COG6: variants seen among roughly 807,000 people sequenced by gnomAD.
The protein encoded by COG6 is component of oligomeric golgi complex 6.
Under a neutral mutation model 88.8 loss-of-function variants are expected in COG6, and 74 were observed. The observed-to-expected ratio is 0.83, with a 90% CI of 0.69 to 1.01. COG6 has a LOEUF of 1.01. COG6 is among the 50% of genes least tolerant of loss of function. The probability of loss-of-function intolerance (pLI) is 0.00; values close to 1 mark genes in which losing one functional copy is unlikely to be tolerated. For synonymous variants in COG6, 286 were observed against 278.7 expected (o/e 1.03, Z -0.26); for missense variants, 800 against 797.9 (o/e 1.00, Z -0.03).
intron 18 of COG6, among the ~76,000 whole-genome samples, chr13:39,759,276 C>T (rs1164261586): frequency 6.6e-6 from 1 of 152,096 alleles, no homozygotes; most frequent in African/African-American, 2.4e-5. Flanking sequence ...GGCCTGTTCT[C>T]ATGTCTTAAT....
At chr13:39,678,329 C>T (rs77596848) in intron 5 of COG6, among the ~76,000 whole-genome samples, 1 of 152,276 alleles carries the variant, frequency 6.6e-6, no homozygotes, top group East Asian at 1.9e-4. Flanking sequence ...CTACCTCGGC[C>T]TCCCAAAGTG....
At chr13:39,754,314 G>C (rs1880762466), downstream of COG6, among the ~76,000 whole-genome samples, 1 of 152,142 alleles carries the variant, frequency 6.6e-6, no homozygotes, top group Non-Finnish European at 1.5e-5. Context: ...ATATGATGGA[G>C]TACAGCAGTG....
chr13:39,671,964 T>C (rs1375194368), intron 4 of COG6, among the ~76,000 whole-genome samples: 1 of 152,016 alleles, frequency 6.6e-6, no homozygotes, highest in Non-Finnish European at 1.5e-5. Context: ...TTTAACTGGA[T>C]AGCAAAGGCA....
intron 13 of COG6, among the ~76,000 whole-genome samples, chr13:39,717,084 GT>G (rs2138070462): frequency 6.6e-6 from 1 of 152,188 alleles, no homozygotes; most frequent in South Asian, 2.1e-4. Context: ...TTGAAGAATA[GT>G]TTTGCTGAAT....
intron 2 of COG6, among the ~76,000 whole-genome samples, chr13:39,660,433 A>G (rs1874823843): frequency 6.6e-6 from 1 of 152,224 alleles, no homozygotes; most frequent in South Asian, 2.1e-4. Flanking sequence ...ATCTGAGACT[A>G]TTGGATACAT....
intron 18 of COG6, among the ~76,000 whole-genome samples, chr13:39,737,705 C>G (rs1879836193): frequency 6.6e-6 from 1 of 151,898 alleles, no homozygotes; most frequent in African/African-American, 2.4e-5. Context: ...GGCTCTAAGC[C>G]CAGCACAGCA....
Position 39,719,286 on chromosome 13 carries a change from ACT to A in COG6, c.1337_1338del (p.Leu446HisfsTer5). 6.2e-7 allele frequency: 1 copy of A among 1,612,794 alleles called. No individual in the cohort carries two copies. Among genetic ancestry groups the A allele is most frequent in the Non-Finnish European group, 8.5e-7 (1 of 1,179,142 alleles). On this transcript the variant is annotated frameshift_variant, in exon 14 of 19. Coordinates refer to ENST00000455146, the MANE Select transcript of COG6 (RefSeq NM_020751.3). LOFTEE classifies it high-confidence loss of function. ...GACCAAGTTCTGCACTAAATCAGAC[ACT>A]CATGTTGCTGCGTGAAGTTTTAGCA... ...LGPSSALNQT[L>X]MLLREVLASH...
At position 39,659,334 on chromosome 13, in the gene COG6, A is replaced by G. The variant is rs775183788; in HGVS notation, c.154-30A>G. On this transcript the variant is annotated intron_variant, in intron 1 of 18. Transcript: ENST00000455146. ...TTGAAACCATTTAAAAATTAGTTCC[A>G]GTAACTGTCTTCTGTTACCAATTGT... 3.1e-6 allele frequency: 5 copies of G among 1,603,074 alleles called. No individual in the cohort carries two copies. The East Asian group carries it at 1.1e-4, about 36-fold the overall frequency.
chr13:39,692,872 G>C (rs1272061530), intron 11 of COG6, among the ~76,000 whole-genome samples: 1 of 151,952 alleles, frequency 6.6e-6, no homozygotes, highest in Non-Finnish European at 1.5e-5. Flanking sequence ...CTTTATATCT[G>C]AGCCATTATT....
intron 4 of COG6, among the ~76,000 whole-genome samples, chr13:39,672,926 G>GCTA (rs1487059950): frequency 2.0e-5 from 3 of 151,976 alleles, no homozygotes; most frequent in African/African-American, 7.2e-5. Context: ...TGATAGCCAT[G>GCTA]CTACTGGGTG....
At chr13:39,742,310 A>G (rs1880088027) in intron 18 of COG6, among the ~76,000 whole-genome samples, 1 of 152,240 alleles carries the variant, frequency 6.6e-6, no homozygotes, top group Non-Finnish European at 1.5e-5. Flanking sequence ...CAGACTGGCA[A>G]ATTGGATAAA....
chr13:39,782,532 T>G (rs1165503646), intron 18 of COG6, among the ~76,000 whole-genome samples: 1 of 152,202 alleles, frequency 6.6e-6, no homozygotes, highest in Non-Finnish European at 1.5e-5. Context: ...GTGCCATGGA[T>G]CTTCAAGAAG....
Position 39,752,267 on chromosome 13 carries a change from ATAAAACTAG to A in COG6, c.*1177_*1185del. On this transcript the variant is annotated 3_prime_UTR_variant, in exon 19 of 19. Transcript: ENST00000455146. ...TTGAAATATTTTGAAAAGTAATAAC[ATAAAACTAG>A]TATTTGTAGAAGATTATGTGTTGTA... 1 of 920,556 alleles carries A rather than the reference ATAAAACTAG, an allele frequency of 1.1e-6. No homozygotes were observed. The highest frequency in any genetic ancestry group is 1.7e-5 in the South Asian group (1 of 58,262). The allele number at this position is 920,556 out of a possible 1,614,324, so 57.0% of individuals were successfully genotyped here.
Position 39,722,918 on chromosome 13 carries a change from T to C in COG6, c.1585-415T>C, listed in dbSNP as rs548713262. Among the ~76,000 whole-genome samples, 313 of 152,238 alleles carry C rather than the reference T, an allele frequency of 2.1e-3. 1 individual carries two copies. The highest frequency in any genetic ancestry group is 7.1e-3 in the African/African-American group (295 of 41,570). ...TGTAGTGGGATTTCCTCTAGGCTTC[T>C]CCAGATGGTATATTTGATTTGTTAA... On this transcript the variant is annotated intron_variant, in intron 15 of 18. Coordinates refer to ENST00000455146, the MANE Select transcript of COG6 (RefSeq NM_020751.3).
intron 13 of COG6, among the ~76,000 whole-genome samples, chr13:39,707,409 GA>G (rs1210855498): frequency 2.0e-5 from 3 of 152,186 alleles, no homozygotes; most frequent in African/African-American, 7.2e-5. Flanking sequence ...TTACAGGCAT[GA>G]GCCACTGCAC....
intron 17 of COG6, among the ~76,000 whole-genome samples, chr13:39,727,030 C>T (rs933421661): frequency 6.6e-6 from 1 of 151,950 alleles, no homozygotes; most frequent in African/African-American, 2.4e-5. Context: ...TAGGGACTAT[C>T]CTTTTTTTGC....
chr13:39,713,736 A>C (rs536136556), intron 13 of COG6, among the ~76,000 whole-genome samples: 36 of 151,662 alleles, frequency 2.4e-4, no homozygotes, highest in African/African-American at 8.5e-4. Context: ...ACTCCATCTC[A>C]AAAAAAAAGA....
downstream of COG6, among the ~76,000 whole-genome samples, chr13:39,755,404 TC>T: frequency 6.6e-6 from 1 of 152,260 alleles, no homozygotes. Context: ...CCGGCCTTTA[TC>T]TTGCCTGTTA....
intron 13 of COG6, among the ~76,000 whole-genome samples, chr13:39,711,268 G>C (rs1235427671): frequency 6.6e-6 from 1 of 152,042 alleles, no homozygotes; most frequent in Admixed American, 6.6e-5. Context: ...AAGATACTGG[G>C]GCCATTAGTG....
Sources: gnomAD v4.1 joint callset for allele counts (sites outside exome capture counted in the v4.1 genomes callset) on GRCh38, gnomAD v4.1.1 for gene constraint, MANE v1.5 for transcripts, NCBI Gene and HGNC (gene_info 2026-07-23, HGNC 2026-07-21) for gene names.